GAK: variants seen among roughly 807,000 people sequenced by gnomAD.
The protein encoded by GAK is cyclin G associated kinase, also known as cyclin-G-associated kinase.
GAK carries 79 observed loss-of-function variants against 143.9 expected under a neutral mutation model. The ratio of observed to expected loss-of-function variants is 0.55; its 90% CI spans 0.46 to 0.66. The LOEUF (loss-of-function observed/expected upper bound fraction) is 0.66, where lower values mean the gene tolerates loss of function less well. Ranked by LOEUF, GAK falls within the 30% of genes least tolerant of loss-of-function variation. The probability of loss-of-function intolerance (pLI) is 0.00; values close to 1 mark genes in which losing one functional copy is unlikely to be tolerated. For synonymous variants in GAK, 881 were observed against 765.5 expected, an observed-to-expected ratio of 1.15 and a Z score of -2.49; for missense variants, 1,693 against 1,779.7, an observed-to-expected ratio of 0.95 and a Z score of 0.88.
intron 5 of GAK, among the ~76,000 whole-genome samples, chr4:900,338 G>A (rs1371621783): frequency 2.0e-5 from 3 of 152,244 alleles, no homozygotes; most frequent in African/African-American, 7.2e-5. Context: ...AGACTCCCAC[G>A]GCGGAGGCCA....
chr4:867,206 A>T lies in GAK; in HGVS notation c.2622T>A (p.Pro874=), dbSNP rs748930143. ...GGTCGACCCCGTCTTCCTGTGGCAC[A>T]GGCTCTGGCAGCACAGCCGGTGTCT... is the stretch of plus-strand genomic sequence containing the variant. ...EVETPAVLPE[P]VPQEDGVDLL... Residue 874 remains proline (P), a synonymous_variant, in exon 21 of 28, where the codon CCT becomes CCA. Transcript: ENST00000314167. 1 of 1,611,670 alleles carries T rather than the reference A, an allele frequency of 6.2e-7. No homozygotes were observed. Among genetic ancestry groups the T allele is most frequent in the Admixed American group, 1.7e-5 (1 of 59,872 alleles).
At chr4:912,885 G>A in intron 2 of GAK, 91 bp from the exon 3 acceptor site, 3 of 1,097,922 alleles carry the variant, frequency 2.7e-6, no homozygotes, top group East Asian at 2.4e-5. Flanking sequence ...GCACGCAACA[G>A]AGCAATGCAA....
intron 24 of GAK, among the ~76,000 whole-genome samples, chr4:856,366 AGCT>A (rs1329784085): frequency 1.4e-5 from 1 of 73,188 alleles, no homozygotes; most frequent in Non-Finnish European, 2.7e-5. Flanking sequence ...TGCTCACCAC[AGCT>A]GCTCACCACA....
rs533718166 is a variant in GAK, at chr4:891,464, G to A, written c.991-842C>T. ...CCCTGTGAGGCTCACTACCTCCTGG[G>A]GGCAGTATTTTATTTCATTGTGAAC... On this transcript the variant is annotated intron_variant, in intron 9 of 27. Coordinates refer to ENST00000314167, the MANE Select transcript of GAK (RefSeq NM_005255.4). Among the ~76,000 whole-genome samples, 3 of 152,168 alleles carry A rather than the reference G, an allele frequency of 2.0e-5. No homozygotes were observed. In the South Asian group the frequency reaches 6.2e-4, roughly 32 times the overall value.
Position 867,154 on chromosome 4 carries a change from C to A in GAK, c.2674G>T (p.Ala892Ser), listed in dbSNP as rs764169845. The change falls in exon 21 of 28, where the codon GCA becomes TCA. Residue 892 changes from alanine to serine, a missense_variant. By Grantham distance (99) the Ala-to-Ser change is moderately conservative. Around this residue, in one of 2 missense-constraint regions of GAK, gnomAD observed 822 missense variants for 788.7 expected, o/e 1.04. Coordinates refer to ENST00000314167, the MANE Select transcript of GAK (RefSeq NM_005255.4). ...DLLGLHSEVG[A>S]GPAVPPQACK... ...GCCTGCGGGGGTACAGCTGGCCCTG[C>A]GCCCACCTCGGAGTGCAGGCCCAGG... The A allele has an allele frequency of 6.3e-7, 1 of 1,596,904 alleles. No individual in the cohort carries two copies. Among genetic ancestry groups the A allele is most frequent in the Non-Finnish European group, 8.6e-7 (1 of 1,169,190 alleles).
chr4:863,595 T>C (rs1750659307), intron 23 of GAK, among the ~76,000 whole-genome samples: 2 of 152,226 alleles, frequency 1.3e-5, no homozygotes, highest in African/African-American at 4.8e-5. Context: ...ATCAGCACCC[T>C]GATCAGTCAG....
At chr4:925,181 T>C (rs994529786) in intron 1 of GAK, among the ~76,000 whole-genome samples, 12 of 152,306 alleles carry the variant, frequency 7.9e-5, no homozygotes, top group Middle Eastern at 3.4e-3. Flanking sequence ...AAATCAAAGC[T>C]TGACACTTTT....
intron 11 of GAK, among the ~76,000 whole-genome samples, chr4:885,132 C>G (rs1489016251): frequency 6.6e-6 from 1 of 152,070 alleles, no homozygotes. Flanking sequence ...ACCCACCGAG[C>G]AGGTGCTGAC....
In GAK at chr4:893,408, C is replaced by T. The variant is rs371284475; in HGVS notation, c.959G>A (p.Arg320His). ...VHQLQEIAAARNVNPKSPITE... is the reference protein window; with the variant it reads ...VHQLQEIAAAHNVNPKSPITE... ...GATGGGAGACTTGGGGTTCACGTTG[C>T]GGGCGGCCGCGATCTCCTGCAGCTG... Residue 320 changes from arginine to histidine, a missense_variant, in exon 9 of 28, where the codon CGC becomes CAC. Physicochemically the swap from Arg to His is conservative, Grantham distance 29. Coordinates refer to ENST00000314167, the MANE Select transcript of GAK (RefSeq NM_005255.4). 5.7e-5 allele frequency: 90 copies of T among 1,587,962 alleles called. No homozygotes were observed. Among genetic ancestry groups the T allele is most frequent in the African/African-American group, 2.8e-4 (21 of 73,752 alleles).
chr4:924,561 A>G (rs1724386720), intron 1 of GAK, among the ~76,000 whole-genome samples: 1 of 151,942 alleles, frequency 6.6e-6, no homozygotes, highest in Non-Finnish European at 1.5e-5. Flanking sequence ...TATTCATAAC[A>G]GCGGACACGG....
At chr4:888,704 A>G in intron 11 of GAK, 143 bp downstream of exon 11, 1 of 944,132 alleles carries the variant, frequency 1.1e-6, no homozygotes, top group Non-Finnish European at 1.5e-6. Flanking sequence ...CCCTGGGAGA[A>G]GCGGGTGATG....
chr4:896,543 T>G lies in GAK; in HGVS notation c.658A>C (p.Arg220=). The G allele has an allele frequency of 6.2e-7, 1 of 1,610,988 alleles. No individual in the cohort carries two copies. Among genetic ancestry groups the G allele is most frequent in the Non-Finnish European group, 8.5e-7 (1 of 1,177,072 alleles). ...RRALVEEEIT[R]NTTPMYRTPE... is the part of the protein sequence containing the mutation. Reference sequence around the variant, plus strand: ...GTTCTATACATTGGTGTTGTATTCCTCGTGATCTGAAAAAATACAAACATT... The same window carrying G: ...GTTCTATACATTGGTGTTGTATTCCGCGTGATCTGAAAAAATACAAACATT... The change falls in exon 7 of 28, where the codon AGG becomes CGG. Residue 220 remains arginine, a synonymous_variant. Transcript: ENST00000314167.
intron 1 of GAK, among the ~76,000 whole-genome samples, chr4:922,905 T>C (rs1354786284): frequency 2.0e-5 from 3 of 152,186 alleles, no homozygotes; most frequent in Non-Finnish European, 4.4e-5. Flanking sequence ...AGCCCAGATG[T>C]CCTTCCACGG....
chr4:924,212 C>T (rs907580010), intron 1 of GAK, among the ~76,000 whole-genome samples: 1 of 146,400 alleles, frequency 6.8e-6, no homozygotes, highest in Non-Finnish European at 1.5e-5. Flanking sequence ...TGAACATCAT[C>T]ATCAGGGAAA....
At chr4:878,057 C>T (rs1334817992) in intron 15 of GAK, among the ~76,000 whole-genome samples, 5 of 152,082 alleles carry the variant, frequency 3.3e-5, no homozygotes, top group African/African-American at 4.8e-5. Context: ...TTAAATTTCT[C>T]GTGATACTCC....
chr4:893,094 C>A (rs372796586), intron 9 of GAK, among the ~76,000 whole-genome samples: 1 of 152,122 alleles, frequency 6.6e-6, no homozygotes, highest in African/African-American at 2.4e-5. Flanking sequence ...GCCTCCCTCC[C>A]CTCTGTGATA....
chr4:859,359 C>T, intron 24 of GAK: 3 of 1,451,220 alleles, frequency 2.1e-6, no homozygotes, highest in Non-Finnish European at 2.7e-6. Flanking sequence ...ATGGATCACG[C>T]ACCACAATGC....
At chr4:864,840 C>A in intron 23 of GAK, among the ~76,000 whole-genome samples, 1 of 152,294 alleles carries the variant, frequency 6.6e-6, no homozygotes, top group African/African-American at 2.4e-5. Context: ...GACGCCCTGC[C>A]GGGTGGGAGG....
intron 24 of GAK, chr4:853,217 C>A (rs1748498731): frequency 6.6e-6 from 1 of 152,326 alleles, no homozygotes; most frequent in Non-Finnish European, 1.5e-5. Context: ...ATCCGCCACT[C>A]CCCCTCCCTG....
Sources: allele counts gnomAD v4.1 joint callset (sites outside exome capture counted in the v4.1 genomes callset), GRCh38; gene constraint gnomAD v4.1.1; regional missense constraint gnomAD v4.1.1; transcripts MANE v1.5; gene names NCBI Gene and HGNC (gene_info 2026-07-23, HGNC 2026-07-21).